SH2D2A: variants seen among roughly 807,000 people sequenced by gnomAD.
SH2D2A encodes the protein SH2 domain-containing protein 2A.
In SH2D2A, 33 loss-of-function variants were observed where a neutral mutation model predicts 43.6. That is an observed-to-expected ratio of 0.76 (90% CI 0.57 to 1.01). The LOEUF (loss-of-function observed/expected upper bound fraction) is 1.01. Among genes scored for constraint, SH2D2A ranks in the 50% least tolerant of loss-of-function variants. The pLI is 0.00. For missense variants in SH2D2A, 491 were observed against 503.1 expected (o/e 0.98, Z 0.23); for synonymous variants, 212 against 206.1 (o/e 1.03, Z -0.25).
At chr1:156,811,637 G>T (rs1653428056) in intron 5 of SH2D2A, among the ~76,000 whole-genome samples, 1 of 152,142 alleles carries the variant, frequency 6.6e-6, no homozygotes, top group Admixed American at 6.5e-5. Context: ...TTCTTGTCTA[G>T]GTCACCAATG....
Position 156,807,453 on chromosome 1 carries a change from G to T in SH2D2A, c.1003-108C>A. On this transcript the variant is annotated intron_variant, in intron 7 of 8. Transcript: ENST00000368199. The surrounding 1 kb of genome is among the most constrained non-coding windows in gnomAD (Gnocchi z 5.1). ...GAACAGACTTTGGCTTCCAGAGAGG[G>T]TATCTAAACTCCTCTCATTCATTAA... The T allele has an allele frequency of 1.2e-6, 1 of 866,290 alleles. No homozygotes were observed. The highest frequency in any genetic ancestry group is 1.7e-6 in the Non-Finnish European group (1 of 584,202). 53.7% of individuals were successfully genotyped at this position (866,290 alleles called of 1,614,324 possible). A position where few individuals can be genotyped will look rare whatever the true frequency, so the allele number is the denominator to read the frequency against.
intron 1 of SH2D2A, 45 bp from the exon 2 acceptor site, chr1:156,816,139 A>T: frequency 8.9e-6 from 14 of 1,575,628 alleles, no homozygotes; most frequent in Non-Finnish European, 1.2e-5. Context: ...GAGAGGAACT[A>T]TGTCTGTCTC....
chr1:156,816,020 G>T lies in SH2D2A; in HGVS notation c.109C>A (p.Leu37Met). ...TTTCCACTCACCGCAGTGTAGCCCA[G>T]GTTCTGGCAGCTCCTGCGGGTCATG... ...TDMTRRSCQN[L>M]GYTAASPQAP... The change falls in exon 2 of 9, where the codon CTG becomes ATG. Residue 37 changes from leucine (L) to methionine (M), a missense_variant. Physicochemically the swap from Leu to Met is conservative, Grantham distance 15 (BLOSUM62 2). Coordinates refer to ENST00000368199, the MANE Select transcript of SH2D2A (RefSeq NM_003975.4). 1 of 1,614,070 alleles carries T rather than the reference G, an allele frequency of 6.2e-7. No homozygotes were observed. Among genetic ancestry groups the T allele is most frequent in the Non-Finnish European group, 8.5e-7 (1 of 1,179,964 alleles).
At chr1:156,808,814 C>T (rs988641727) in intron 7 of SH2D2A, among the ~76,000 whole-genome samples, 1 of 152,124 alleles carries the variant, frequency 6.6e-6, no homozygotes, top group Non-Finnish European at 1.5e-5. Flanking sequence ...CCGTGAAGGC[C>T]AAGGGAGAGA....
Position 156,806,346 on chromosome 1 carries a change from G to C in SH2D2A, c.*231C>G, listed in dbSNP as rs1178819937. The C allele has an allele frequency of 6.6e-6, 1 of 152,332 alleles. No homozygotes were observed. Among genetic ancestry groups the C allele is most frequent in the African/African-American group, 2.4e-5 (1 of 41,462 alleles). The allele number at this position is 152,332 out of a possible 1,614,324, so 9.4% of individuals were successfully genotyped here. A position where few individuals can be genotyped will look rare whatever the true frequency, so the allele number is the denominator to read the frequency against. ...CCAAACCATTCCTCAGACAACAGCA[G>C]CATTGGACCAGGGCCCAGACTCAAA... On this transcript the variant is annotated 3_prime_UTR_variant, in exon 9 of 9. Coordinates refer to ENST00000368199, the MANE Select transcript of SH2D2A (RefSeq NM_003975.4).
At position 156,815,211 on chromosome 1, in the gene SH2D2A, T is replaced by G; in HGVS notation, c.134A>C (p.Gln45Pro). ...QNLGYTAASPQAPEAASNTGN... is the reference protein window; with the variant it reads ...QNLGYTAASPPAPEAASNTGN... ...TGTGTTGGAGGCAGCCTCCGGGGCCTGGGGAGATGCCTGGATCAGGGAAGA... is the reference window on the plus strand; with the variant it reads ...TGTGTTGGAGGCAGCCTCCGGGGCCGGGGGAGATGCCTGGATCAGGGAAGA... Residue 45 changes from glutamine to proline, a missense_variant, in exon 3 of 9, where the codon CAG becomes CCG. Transcript: ENST00000368199. The G allele has an allele frequency of 6.5e-7, 1 of 1,530,934 alleles. No homozygotes were observed. Among genetic ancestry groups the G allele is most frequent in the Non-Finnish European group, 8.8e-7 (1 of 1,136,142 alleles). The allele number at this position is 1,530,934 out of a possible 1,614,324, so 94.8% of individuals were successfully genotyped here. A position where few individuals can be genotyped will look rare whatever the true frequency, so the allele number is the denominator to read the frequency against.
rs1458458816 is a variant in SH2D2A, at chr1:156,809,187, CT to C, written c.1002+15del. On this transcript the variant is annotated intron_variant, in intron 7 of 8. Transcript: ENST00000368199. The surrounding 1 kb of genome is among the most constrained non-coding windows in gnomAD (Gnocchi z 4.8). ...GAGACCTTCTTGCACCTACCTTTCC[CT>C]GCATACCCATTTACCTGGCCTCCTG... 3 of 1,592,910 alleles carry C rather than the reference CT, an allele frequency of 1.9e-6. No individual in the cohort carries two copies. The highest frequency in any genetic ancestry group is 2.6e-6 in the Non-Finnish European group (3 of 1,168,566).
chr1:156,811,182 C>T (rs1407421571), intron 5 of SH2D2A, among the ~76,000 whole-genome samples: 1 of 152,232 alleles, frequency 6.6e-6, no homozygotes, highest in Admixed American at 6.5e-5. Context: ...CACCTCCTCC[C>T]TCTTGACATG....
chr1:156,807,276 GCTGGTGGGGC>G lies in SH2D2A; in HGVS notation c.1062_1071del (p.Gln357ProfsTer67). The G allele has an allele frequency of 1.3e-6, 2 of 1,587,164 alleles. No homozygotes were observed. Among genetic ancestry groups the G allele is most frequent in the South Asian group, 1.1e-5 (1 of 88,496 alleles). On this transcript the variant is annotated frameshift_variant, in exon 8 of 9. Coordinates refer to ENST00000368199, the MANE Select transcript of SH2D2A (RefSeq NM_003975.4). LOFTEE classifies it high-confidence loss of function. This position sits in a 1 kb window ranked among gnomAD's most constrained non-coding sequence, Gnocchi z 5.1. ...AGGGTGTGTCTCCAGGCGGGTGGGG[GCTGGTGGGGC>G]AGGGGAGGGCCTTGCCCAATCACAG...
chr1:156,815,565 G>A (rs962320297), intron 2 of SH2D2A: 1 of 610,646 alleles, frequency 1.6e-6, no homozygotes, highest in Non-Finnish European at 2.9e-6. Flanking sequence ...GAAACATGAT[G>A]CAGGAAGTCA....
At position 156,813,866 on chromosome 1, in the gene SH2D2A, G is replaced by A. The variant is rs750467067; in HGVS notation, c.549C>T (p.Thr183=). Reference sequence around the variant, plus strand: ...CGCGTACCTGTCGGGCGAGGGGCTCGGTGAGCGTCTCCCCGTAGGGGCTGA... The same window carrying A: ...CGCGTACCTGTCGGGCGAGGGGCTCAGTGAGCGTCTCCCCGTAGGGGCTGA... ...HPLSPYGETL[T]EPLARQTPEP... is the part of the protein sequence containing the mutation. Residue 183 remains threonine, a synonymous_variant, in exon 5 of 9, where the codon ACC becomes ACT. Transcript: ENST00000368199. The A allele has an allele frequency of 6.6e-7, 1 of 1,506,088 alleles. No individual in the cohort carries two copies. 93.3% of individuals were successfully genotyped at this position (1,506,088 alleles called of 1,614,324 possible). A position where few individuals can be genotyped will look rare whatever the true frequency, so the allele number is the denominator to read the frequency against.
chr1:156,814,109 A>G, intron 4 of SH2D2A, 93 bp from the exon 5 acceptor site: 7 of 1,532,036 alleles, frequency 4.6e-6, no homozygotes, highest in Non-Finnish European at 3.5e-6. Flanking sequence ...AGCCCGGGGA[A>G]TGAGCTAAGA....
At position 156,813,951 on chromosome 1, in the gene SH2D2A, C is replaced by T; in HGVS notation, c.464G>A (p.Gly155Asp). ...QLRDGRHVVLGEDSAHARLQD... is the reference protein window; with the variant it reads ...QLRDGRHVVLDEDSAHARLQD... Reference sequence around the variant, plus strand: ...CAGCCGCGCGTGGGCGCTGTCCTCGCCCAGCACCACGTGGCGCCCGTCCCT... The same window carrying T: ...CAGCCGCGCGTGGGCGCTGTCCTCGTCCAGCACCACGTGGCGCCCGTCCCT... Residue 155 changes from glycine (G) to aspartate (D), a missense_variant, in exon 5 of 9, where the codon GGC becomes GAC. Transcript: ENST00000368199. 2.0e-6 allele frequency: 3 copies of T among 1,533,590 alleles called. No homozygotes were observed. Among genetic ancestry groups the T allele is most frequent in the Non-Finnish European group, 2.6e-6 (3 of 1,143,924 alleles). 95.0% of individuals were successfully genotyped at this position (1,533,590 alleles called of 1,614,324 possible). A position where few individuals can be genotyped will look rare whatever the true frequency, so the allele number is the denominator to read the frequency against.
intron 4 of SH2D2A, 37 bp downstream of exon 4, chr1:156,814,168 C>G (rs1332250238): frequency 1.2e-6 from 2 of 1,611,550 alleles, no homozygotes; most frequent in East Asian, 4.5e-5. Context: ...TCCCGAGCCC[C>G]GCCTTGTGTC....
chr1:156,811,272 C>T (rs1653398597), intron 5 of SH2D2A, among the ~76,000 whole-genome samples: 1 of 152,180 alleles, frequency 6.6e-6, no homozygotes, highest in Admixed American at 6.5e-5. Flanking sequence ...ACATGGCCAG[C>T]ACCCTAGTTC....
At chr1:156,815,812 G>A (rs1246921833) in intron 2 of SH2D2A, 194 bp downstream of exon 2, 1 of 1,614,032 alleles carries the variant, frequency 6.2e-7, no homozygotes, top group East Asian at 2.2e-5. Context: ...GTAAGGGAGT[G>A]AGTGGGCAAC....
rs1277873648 is a variant in SH2D2A, at chr1:156,809,519, G to A, written c.715-29C>T. The A allele has an allele frequency of 1.9e-6, 3 of 1,574,762 alleles. No homozygotes were observed. In the African/African-American group the frequency reaches 4.0e-5, roughly 21 times the overall value. ...GGAGAGAAGGTGAGGCCAGGGAGGA[G>A]TGGGGTGAGGGAGGCAGGGTTAAAG... On this transcript the variant is annotated intron_variant, in intron 6 of 8. Coordinates refer to ENST00000368199, the MANE Select transcript of SH2D2A (RefSeq NM_003975.4). The surrounding 1 kb of genome is among the most constrained non-coding windows in gnomAD (Gnocchi z 4.8).
intron 2 of SH2D2A, chr1:156,815,766 C>T (rs1015554660): frequency 3.6e-5 from 58 of 1,600,630 alleles, no homozygotes; most frequent in South Asian, 2.3e-4. Context: ...TGGTCATCTG[C>T]GGACTCAGCC....
chr1:156,814,218 CGAA>C lies in SH2D2A; in HGVS notation c.382_384del (p.Phe128del), dbSNP rs761188266. Reference sequence around the variant, plus strand: ...CTCGCCCCTCACCTGTAAGTCAGCACGAAGGTCACCGCGCTCTCGCTGAACCGC... The same window carrying C: ...CTCGCCCCTCACCTGTAAGTCAGCACGGTCACCGCGCTCTCGCTGAACCGC... On this transcript the variant is annotated inframe_deletion, in exon 4 of 9. Transcript: ENST00000368199. 6.2e-7 allele frequency: 1 copy of C among 1,613,804 alleles called. No individual in the cohort carries two copies. The highest frequency in any genetic ancestry group is 1.3e-5 in the African/African-American group (1 of 75,056).
Sources: allele counts gnomAD v4.1 joint callset (sites outside exome capture counted in the v4.1 genomes callset), GRCh38; gene constraint gnomAD v4.1.1; non-coding constraint Gnocchi (gnomAD v3.1); transcripts MANE v1.5; gene names NCBI Gene and HGNC (gene_info 2026-07-23, HGNC 2026-07-21).